The following PAPPA2 variants were observed in gnomAD, a reference collection of about 807,000 sequenced individuals.
The protein encoded by PAPPA2 is pappalysin-2.
In PAPPA2, 86 loss-of-function variants were observed where a neutral mutation model predicts 176.4. That is an observed-to-expected ratio of 0.49 (90% CI 0.41 to 0.58). The LOEUF is 0.58. PAPPA2 is among the 20% of genes least tolerant of loss of function. The pLI is 0.00. For synonymous variants in PAPPA2, 809 were observed against 852.2 expected (o/e 0.95, Z 0.88); for missense variants, 2,073 against 2,256.9 (o/e 0.92, Z 1.65).
At chr1:176,720,692 G>C (rs539287991) in intron 12 of PAPPA2, among the ~76,000 whole-genome samples, 18 of 152,156 alleles carry the variant, frequency 1.2e-4, no homozygotes, top group African/African-American at 4.3e-4. Context: ...ACACAATTAG[G>C]GAGGGCAATT....
chr1:176,739,092 A>G (rs979555031), intron 12 of PAPPA2, among the ~76,000 whole-genome samples: 1 of 152,166 alleles, frequency 6.6e-6, no homozygotes, highest in Non-Finnish European at 1.5e-5. Flanking sequence ...CTGCCACAGC[A>G]TATCTCCCAT....
At chr1:176,702,422 T>C (rs1043868955) in intron 8 of PAPPA2, among the ~76,000 whole-genome samples, 185 bp from the exon 9 acceptor site, 1 of 152,246 alleles carries the variant, frequency 6.6e-6, no homozygotes, top group African/African-American at 2.4e-5. Context: ...GAAATAAATA[T>C]GGTTTCAAAC....
intron 12 of PAPPA2, among the ~76,000 whole-genome samples, chr1:176,727,513 A>G (rs925208099): frequency 1.3e-5 from 2 of 152,102 alleles, no homozygotes; most frequent in African/African-American, 2.4e-5. Flanking sequence ...TAGACATAAT[A>G]ATCTTGTTAT....
rs567585004 is a variant in PAPPA2, at chr1:176,705,583, C to T, written c.3366-776C>T. ...TGCAATAGCCAAATATTGGTTCTTT[C>T]ATAGGAGCATCAACCCAAACTTATT... is the stretch of plus-strand genomic sequence containing the variant. On this transcript the variant is annotated intron_variant, in intron 9 of 22. Coordinates refer to ENST00000367662, the MANE Select transcript of PAPPA2 (RefSeq NM_020318.3). 2.6e-5 allele frequency among the ~76,000 whole-genome samples: 4 copies of T among 152,310 alleles called. No individual in the cohort carries two copies. In the East Asian group the frequency reaches 7.7e-4, roughly 29 times the overall value.
intron 3 of PAPPA2, among the ~76,000 whole-genome samples, chr1:176,636,087 C>T (rs1656683738): frequency 6.6e-6 from 1 of 152,072 alleles, no homozygotes. Context: ...TCTGTGGCAT[C>T]TTCATAAAAT....
intron 1 of PAPPA2, among the ~76,000 whole-genome samples, chr1:176,481,370 G>C (rs1012891942): frequency 1.3e-5 from 2 of 151,780 alleles, no homozygotes; most frequent in Non-Finnish European, 2.9e-5. Context: ...ACATGGCTCT[G>C]GAGTGATGCC....
intron 2 of PAPPA2, among the ~76,000 whole-genome samples, chr1:176,577,051 A>G (rs1236819463): frequency 6.6e-6 from 1 of 152,090 alleles, no homozygotes; most frequent in Admixed American, 6.5e-5. Flanking sequence ...AGTGTAGAAA[A>G]TGTTGGTGCT....
chr1:176,830,120 G>A (rs762797077), intron 21 of PAPPA2, among the ~76,000 whole-genome samples: 5 of 152,174 alleles, frequency 3.3e-5, no homozygotes, highest in Non-Finnish European at 4.4e-5. Context: ...TGTAGTCCCA[G>A]CTACTTGGGA....
intron 3 of PAPPA2, among the ~76,000 whole-genome samples, chr1:176,599,155 A>G (rs1367124564): frequency 1.3e-5 from 2 of 151,868 alleles, no homozygotes; most frequent in Non-Finnish European, 2.9e-5. Flanking sequence ...GTGTGTGTAT[A>G]TATATATACA....
chr1:176,689,408 G>A (rs1043880528), intron 4 of PAPPA2, among the ~76,000 whole-genome samples: 4 of 152,154 alleles, frequency 2.6e-5, no homozygotes, highest in African/African-American at 9.7e-5. Context: ...TGAGGGTGGG[G>A]CATATTCTCA....
At chr1:176,492,341 T>C (rs1647336811) in intron 1 of PAPPA2, among the ~76,000 whole-genome samples, 1 of 152,210 alleles carries the variant, frequency 6.6e-6, no homozygotes, top group African/African-American at 2.4e-5. Flanking sequence ...AAAAATATTT[T>C]CTTGGTATTT....
chr1:176,511,220 T>C (rs1339973435), intron 1 of PAPPA2, among the ~76,000 whole-genome samples: 1 of 152,164 alleles, frequency 6.6e-6, no homozygotes, highest in Non-Finnish European at 1.5e-5. Context: ...AAATGAAAGC[T>C]GTAATTCATA....
chr1:176,659,475 T>G (rs949911103), intron 3 of PAPPA2, among the ~76,000 whole-genome samples: 6 of 152,104 alleles, frequency 3.9e-5, no homozygotes, highest in African/African-American at 1.4e-4. Flanking sequence ...CCCACTCTAA[T>G]GACTTCATCT....
chr1:176,840,462 G>A (rs1037228450), intron 22 of PAPPA2, among the ~76,000 whole-genome samples, 191 bp downstream of exon 22: 14 of 152,168 alleles, frequency 9.2e-5, no homozygotes, highest in African/African-American at 3.1e-4. Context: ...GACAACACTA[G>A]TTCTTTGTCA....
intron 4 of PAPPA2, among the ~76,000 whole-genome samples, chr1:176,671,408 G>A (rs1237831453): frequency 6.6e-6 from 1 of 152,174 alleles, no homozygotes; most frequent in Non-Finnish European, 1.5e-5. Flanking sequence ...AAGTCTTGCA[G>A]AGCCCCAAGT....
chr1:176,637,993 A>G (rs1412174071), intron 3 of PAPPA2, among the ~76,000 whole-genome samples: 1 of 152,110 alleles, frequency 6.6e-6, no homozygotes. Context: ...TTTAGAGTGG[A>G]AACCTTTTCT....
chr1:176,678,490 T>C (rs904528086), intron 4 of PAPPA2, among the ~76,000 whole-genome samples: 8 of 152,198 alleles, frequency 5.3e-5, no homozygotes, highest in African/African-American at 1.7e-4. Flanking sequence ...CTTACAGCAA[T>C]TTAATGTATA....
intron 17 of PAPPA2, among the ~76,000 whole-genome samples, chr1:176,771,541 TG>T (rs1401032449): frequency 6.6e-6 from 1 of 152,172 alleles, no homozygotes; most frequent in African/African-American, 2.4e-5. Context: ...CTGTGGATAT[TG>T]GGAAGTTTCC....
intron 3 of PAPPA2, among the ~76,000 whole-genome samples, chr1:176,636,837 C>T (rs992481997): frequency 7.2e-5 from 11 of 151,936 alleles, no homozygotes; most frequent in East Asian, 1.9e-4. Context: ...TTTTAAGAAC[C>T]TATGTTCTTC....
Sources: allele counts gnomAD v4.1 joint callset (sites outside exome capture counted in the v4.1 genomes callset), GRCh38; gene constraint gnomAD v4.1.1; transcripts MANE v1.5; gene names NCBI Gene and HGNC (gene_info 2026-07-23, HGNC 2026-07-21).